Variants in VOPP1 observed in about 807,000 individuals in gnomAD.
VOPP1 encodes VOPP1 WW domain binding protein.
A neutral mutation model predicts 23.5 loss-of-function variants in VOPP1; 8 were observed. The ratio of observed to expected loss-of-function variants is 0.34; its 90% CI spans 0.20 to 0.61. The LOEUF is 0.61. Among genes scored for constraint, VOPP1 ranks in the 20% least tolerant of loss-of-function variants. VOPP1 has a pLI of 0.78. For synonymous variants in VOPP1, 83 were observed against 97.3 expected (o/e 0.85, Z 0.86); for missense variants, 174 against 238.1 (o/e 0.73, Z 1.77).
At chr7:55,562,036 C>G in intron 1 of VOPP1, 1 of 703,474 alleles carries the variant, frequency 1.4e-6, no homozygotes, top group Non-Finnish European at 2.6e-6. Flanking sequence ...ATCTATGCAT[C>G]AGAAGCAATG....
At chr7:55,479,227 C>T (rs1792513973) in intron 4 of VOPP1, among the ~76,000 whole-genome samples, 1 of 150,940 alleles carries the variant, frequency 6.6e-6, no homozygotes, top group Non-Finnish European at 1.5e-5. Context: ...CATATGTATA[C>T]GTGTGCCATG....
chr7:55,448,071 G>A (rs1186023122), intron 4 of VOPP1, among the ~76,000 whole-genome samples: 1 of 152,056 alleles, frequency 6.6e-6, no homozygotes, highest in Non-Finnish European at 1.5e-5. Context: ...TGTTGGCAAA[G>A]GCTGGCAGAA....
chr7:55,456,034 A>C (rs1382159527), intron 4 of VOPP1, among the ~76,000 whole-genome samples: 1 of 152,222 alleles, frequency 6.6e-6, no homozygotes, highest in African/African-American at 2.4e-5. Context: ...GAACGGGAGA[A>C]AATTTTTACA....
chr7:55,538,576 G>C (rs1039171768), intron 1 of VOPP1: 33 of 1,524,688 alleles, frequency 2.2e-5, no homozygotes, highest in Non-Finnish European at 2.6e-5. Context: ...TGCTTTACAT[G>C]GTTTAATAAC....
At chr7:55,545,746 T>C (rs1375004015) in intron 1 of VOPP1, among the ~76,000 whole-genome samples, 1 of 151,906 alleles carries the variant, frequency 6.6e-6, no homozygotes, top group Non-Finnish European at 1.5e-5. Flanking sequence ...AGCTCACAGA[T>C]CTGTCATTTG....
intron 4 of VOPP1, among the ~76,000 whole-genome samples, chr7:55,489,840 A>C (rs1032310915): frequency 2.0e-5 from 3 of 152,178 alleles, no homozygotes; most frequent in African/African-American, 7.2e-5. Flanking sequence ...TGGGGAGCCC[A>C]GTGTAAACAT....
At chr7:55,535,388 A>G (rs1796725109) in intron 1 of VOPP1, among the ~76,000 whole-genome samples, 1 of 152,218 alleles carries the variant, frequency 6.6e-6, no homozygotes, top group Non-Finnish European at 1.5e-5. Context: ...CTCAGAGGGC[A>G]CTGGGGCAGG....
At chr7:55,479,292 C>T (rs939791504) in intron 4 of VOPP1, among the ~76,000 whole-genome samples, 2 of 151,894 alleles carry the variant, frequency 1.3e-5, no homozygotes, top group Non-Finnish European at 2.9e-5. Flanking sequence ...TCTCCTAACG[C>T]TATCCCTCCC....
At chr7:55,562,064 A>C in intron 1 of VOPP1, 1 of 703,256 alleles carries the variant, frequency 1.4e-6, no homozygotes. Context: ...GTTAAAAAAT[A>C]AAGATGACTA....
chr7:55,488,009 T>C (rs982239741), intron 4 of VOPP1, among the ~76,000 whole-genome samples: 1 of 152,226 alleles, frequency 6.6e-6, no homozygotes, highest in African/African-American at 2.4e-5. Flanking sequence ...TGGCTGGAGC[T>C]AGTTAGCTCA....
At chr7:55,569,435 T>C (rs1053676975) in intron 1 of VOPP1, among the ~76,000 whole-genome samples, 2 of 152,168 alleles carry the variant, frequency 1.3e-5, no homozygotes, top group African/African-American at 4.8e-5. Context: ...CCTCGCGATG[T>C]AGAGCATGCA....
intron 4 of VOPP1, among the ~76,000 whole-genome samples, chr7:55,449,517 G>A (rs1791188746): frequency 6.6e-6 from 1 of 152,246 alleles, no homozygotes; most frequent in African/African-American, 2.4e-5. Context: ...TCTCGGAGAA[G>A]GGCGCGGCCA....
intron 3 of VOPP1, 27 bp downstream of exon 3, chr7:55,497,586 A>T: frequency 8.0e-7 from 1 of 1,256,400 alleles, no homozygotes; most frequent in African/African-American, 1.6e-5. Flanking sequence ...CTCTCGGGGT[A>T]GGGAACAAGG....
intron 4 of VOPP1, among the ~76,000 whole-genome samples, chr7:55,489,226 T>C (rs966747987): frequency 1.1e-4 from 16 of 152,230 alleles, no homozygotes; most frequent in African/African-American, 3.9e-4. Context: ...CCGGGAGCCC[T>C]GGGAGCCTGC....
intron 1 of VOPP1, among the ~76,000 whole-genome samples, chr7:55,548,685 C>A (rs185779494): frequency 6.6e-6 from 1 of 152,368 alleles, no homozygotes; most frequent in African/African-American, 2.4e-5. Context: ...CTAAGGGACT[C>A]TAACCATCTT....
At position 55,564,243 on chromosome 7, in the gene VOPP1, G is replaced by GTCTCTCTCTC. The variant is rs71561947; in HGVS notation, c.54+8018_54+8027dup. 4.5e-3 allele frequency among the ~76,000 whole-genome samples: 564 copies of GTCTCTCTCTC among 125,928 alleles called. 9 individuals are homozygous for GTCTCTCTCTC. Among genetic ancestry groups the GTCTCTCTCTC allele is most frequent in the African/African-American group, 7.8e-3 (245 of 31,364 alleles). The allele number at this position is 125,928 out of a possible 152,430, so 82.6% of individuals were successfully genotyped here. ...CAACACACTCTTTCTCTCTGTCTCT[G>GTCTCTCTCTC]TCTCTCTCTCTCTCTCTCTCTCTCG... On this transcript the variant is annotated intron_variant, in intron 1 of 4. Transcript: ENST00000285279.
rs558336399 is a variant in VOPP1, at chr7:55,562,426, G to A, written c.54+9845C>T. Among the ~76,000 whole-genome samples the A allele has an allele frequency of 3.9e-5, 6 of 152,274 alleles. No homozygotes were observed. The East Asian group carries it at 1.2e-3, about 29-fold the overall frequency. ...AAACTCTCTCAAGTACCAATCTAAGGCCACTGAAAATACTGGTAGTGACAC... is the reference window on the plus strand; with the variant it reads ...AAACTCTCTCAAGTACCAATCTAAGACCACTGAAAATACTGGTAGTGACAC... On this transcript the variant is annotated intron_variant, in intron 1 of 4. Transcript: ENST00000285279.
intron 1 of VOPP1, among the ~76,000 whole-genome samples, chr7:55,525,345 C>G (rs563523025): frequency 6.6e-6 from 1 of 151,994 alleles, no homozygotes; most frequent in African/African-American, 2.4e-5. Context: ...AAAAATTAGC[C>G]GGGCGTGGTG....
chr7:55,450,772 TG>T (rs1791224066), intron 4 of VOPP1, among the ~76,000 whole-genome samples: 1 of 152,228 alleles, frequency 6.6e-6, no homozygotes, highest in Admixed American at 6.5e-5. Flanking sequence ...GGATTGTCAT[TG>T]GTAAGGGCTG....
Sources: allele counts gnomAD v4.1 joint callset (sites outside exome capture counted in the v4.1 genomes callset), GRCh38; gene constraint gnomAD v4.1.1; transcripts MANE v1.5; gene names NCBI Gene and HGNC (gene_info 2026-07-23, HGNC 2026-07-21).